The following CD38 variants were observed in gnomAD, a reference collection of about 807,000 sequenced individuals.
CD38 encodes the protein CD38 molecule.
In CD38, 31 loss-of-function variants were observed where a neutral mutation model predicts 36.3. The observed-to-expected ratio is 0.85, with a 90% CI of 0.64 to 1.15. The LOEUF (loss-of-function observed/expected upper bound fraction) is 1.15. CD38 is among the 50% of genes most tolerant of loss of function. CD38 has a pLI of 0.00. For missense variants in CD38, 380 were observed against 371.9 expected, an observed-to-expected ratio of 1.02 and a Z score of -0.18; for synonymous variants, 131 against 135.2, an observed-to-expected ratio of 0.97 and a Z score of 0.22.
At chr4:15,818,679 C>T (rs1237524290) in intron 2 of CD38, among the ~76,000 whole-genome samples, 1 of 152,168 alleles carries the variant, frequency 6.6e-6, no homozygotes, top group Non-Finnish European at 1.5e-5. Context: ...CTTTGCTGTT[C>T]TGTAGCCTCC....
intron 1 of CD38, among the ~76,000 whole-genome samples, chr4:15,782,999 A>T (rs1044533560): frequency 6.6e-6 from 1 of 152,214 alleles, no homozygotes; most frequent in Non-Finnish European, 1.5e-5. Context: ...TGGCGTTACC[A>T]GGTTGGTTCT....
chr4:15,832,243 C>T (rs528814427), intron 3 of CD38, among the ~76,000 whole-genome samples: 11 of 152,222 alleles, frequency 7.2e-5, no homozygotes, highest in African/African-American at 2.6e-4. Context: ...TCTCACATAT[C>T]TCTGTTTCTT....
chr4:15,796,516 A>G (rs2148917414), intron 1 of CD38, among the ~76,000 whole-genome samples: 1 of 152,272 alleles, frequency 6.6e-6, no homozygotes, highest in Middle Eastern at 3.4e-3. Context: ...AGTAGTACAA[A>G]TACCCATTTA....
At chr4:15,831,373 A>T (rs1339987149) in intron 3 of CD38, among the ~76,000 whole-genome samples, 1 of 152,090 alleles carries the variant, frequency 6.6e-6, no homozygotes, top group East Asian at 1.9e-4. Flanking sequence ...ACTGCCAGTG[A>T]GTTTTGTACC....
rs142857883 is a variant in CD38 at position 15,834,069 on chromosome 4, T to C, written c.500-148T>C. ...AGAATTCAGGGGACACTTAGTTAAATTGGGTCAAAATGTGTCCATTCTCCA... is the reference window on the plus strand; with the variant it reads ...AGAATTCAGGGGACACTTAGTTAAACTGGGTCAAAATGTGTCCATTCTCCA... On this transcript the variant is annotated intron_variant, in intron 3 of 7. Transcript: ENST00000226279. The C allele has an allele frequency of 2.4e-4, 146 of 596,196 alleles. No individual in the cohort carries two copies. The East Asian group carries it at 3.7e-3, about 15-fold the overall frequency. The allele number at this position is 596,196 out of a possible 1,614,324, so 36.9% of individuals were successfully genotyped here.
intron 1 of CD38, among the ~76,000 whole-genome samples, chr4:15,791,598 G>A (rs1722992583): frequency 2.1e-5 from 2 of 94,348 alleles, no homozygotes; most frequent in Non-Finnish European, 4.2e-5. Context: ...CCCCCCGCCC[G>A]GCCAGCCGCC....
At chr4:15,830,217 C>G (rs977586117) in intron 3 of CD38, among the ~76,000 whole-genome samples, 3 of 152,124 alleles carry the variant, frequency 2.0e-5, no homozygotes, top group Non-Finnish European at 2.9e-5. Flanking sequence ...CAACAGTGTA[C>G]AAGGGTTCCC....
intron 6 of CD38, 81 bp from the exon 7 acceptor site, chr4:15,840,371 A>G (rs1442781112): frequency 1.1e-6 from 1 of 927,968 alleles, no homozygotes; most frequent in East Asian, 2.4e-5. Context: ...GGCCTTGTCC[A>G]GGGCGTGCTA....
chr4:15,841,546 C>CAGATATCT (rs1560321454), intron 7 of CD38, among the ~76,000 whole-genome samples: 1 of 151,384 alleles, frequency 6.6e-6, no homozygotes, highest in African/African-American at 2.5e-5. Context: ...AGCAATCTTG[C>CAGATATCT]GGCGGAGGAG....
intron 2 of CD38, among the ~76,000 whole-genome samples, chr4:15,822,301 C>G (rs1480034385): frequency 1.3e-5 from 2 of 152,176 alleles, no homozygotes; most frequent in Admixed American, 1.3e-4. Context: ...GATGTCCTCT[C>G]TCACCACTCC....
At chr4:15,816,728 G>A in intron 2 of CD38, 88 bp downstream of exon 2, 1 of 1,409,298 alleles carries the variant, frequency 7.1e-7, no homozygotes, top group African/African-American at 1.4e-5. Context: ...TAGAATGAAG[G>A]AAGAGGAAAA....
chr4:15,795,558 C>T (rs1423312920), intron 1 of CD38, among the ~76,000 whole-genome samples: 1 of 151,854 alleles, frequency 6.6e-6, no homozygotes, highest in Admixed American at 6.6e-5. Context: ...AATGTAAAAT[C>T]GCTTAAGCCC....
chr4:15,786,216 C>T (rs939268592), intron 1 of CD38, among the ~76,000 whole-genome samples: 2 of 152,018 alleles, frequency 1.3e-5, no homozygotes, highest in Non-Finnish European at 2.9e-5. Flanking sequence ...AATGGGTTGC[C>T]AGTGTTGGCT....
At chr4:15,840,884 G>A (rs1192276911) in intron 7 of CD38, among the ~76,000 whole-genome samples, 2 of 152,180 alleles carry the variant, frequency 1.3e-5, no homozygotes, top group Non-Finnish European at 2.9e-5. Context: ...AGGGGAGCAA[G>A]GGAATGTTTT....
At chr4:15,793,941 G>A (rs1723059382) in intron 1 of CD38, among the ~76,000 whole-genome samples, 1 of 152,210 alleles carries the variant, frequency 6.6e-6, no homozygotes, top group South Asian at 2.1e-4. Flanking sequence ...GGTAAAGCAA[G>A]TTGGGAAGGA....
At chr4:15,839,173 T>G (rs747794036) in intron 5 of CD38, among the ~76,000 whole-genome samples, 2 of 152,116 alleles carry the variant, frequency 1.3e-5, no homozygotes, top group African/African-American at 2.4e-5. Flanking sequence ...CTGATCCCAA[T>G]TTTTTTGGGT....
rs3756244 is a variant in CD38, at chr4:15,782,973, T to G, written c.233+4326T>G. ...AAGTTTTTTAGTGTGGGTAGGTGAG[T>G]ATTGAAGCTTGTTCTTGGCGTTACC... On this transcript the variant is annotated intron_variant, in intron 1 of 7. Coordinates refer to ENST00000226279, the MANE Select transcript of CD38 (RefSeq NM_001775.4). Among the ~76,000 whole-genome samples the G allele has an allele frequency of 3.9e-5, 6 of 152,038 alleles. No homozygotes were observed. In the East Asian group the frequency reaches 1.2e-3, roughly 29 times the overall value.
chr4:15,822,661 C>T (rs528382194), intron 2 of CD38, among the ~76,000 whole-genome samples: 31 of 152,248 alleles, frequency 2.0e-4, no homozygotes, highest in African/African-American at 6.3e-4. Flanking sequence ...TACCTATAAT[C>T]CACTGCTCAA....
Position 15,848,679 on chromosome 4 carries a change from G to A in CD38, c.*77G>A. ...CATACATGACTCAGCATACCTGCTG[G>A]TGCAGAGCTGAAGATTTTGGAGGGT... On this transcript the variant is annotated 3_prime_UTR_variant, in exon 8 of 8. Transcript: ENST00000226279. The A allele has an allele frequency of 8.2e-7, 1 of 1,216,424 alleles. No individual in the cohort carries two copies. The highest frequency in any genetic ancestry group is 1.3e-5 in the South Asian group (1 of 79,606). The allele number at this position is 1,216,424 out of a possible 1,614,324, so 75.4% of individuals were successfully genotyped here. A position where few individuals can be genotyped will look rare whatever the true frequency, so the allele number is the denominator to read the frequency against.
Sources: gnomAD v4.1 joint callset for allele counts (sites outside exome capture counted in the v4.1 genomes callset) on GRCh38, gnomAD v4.1.1 for gene constraint, MANE v1.5 for transcripts, NCBI Gene and HGNC (gene_info 2026-07-23, HGNC 2026-07-21) for gene names.